Variants in PDSS2 observed in about 807,000 individuals in gnomAD.
PDSS2 encodes the protein all trans-polyprenyl-diphosphate synthase PDSS2.
Under a neutral mutation model 44.5 loss-of-function variants are expected in PDSS2, and 31 were observed. The ratio of observed to expected loss-of-function variants is 0.70; its 90% CI spans 0.52 to 0.94. PDSS2 has a LOEUF of 0.94. PDSS2 is among the 40% of genes least tolerant of loss of function. The pLI is 0.00. For missense variants in PDSS2, 452 were observed against 482.2 expected (o/e 0.94, Z 0.59); for synonymous variants, 157 against 180.3 (o/e 0.87, Z 1.03).
intron 1 of PDSS2, among the ~76,000 whole-genome samples, chr6:107,352,687 G>A (rs1228813407): frequency 6.6e-6 from 1 of 152,210 alleles, no homozygotes; most frequent in Non-Finnish European, 1.5e-5. Context: ...GGTTCATATA[G>A]AGAAGTGGTT....
chr6:107,351,870 C>T (rs1290875041), intron 1 of PDSS2, among the ~76,000 whole-genome samples: 1 of 152,126 alleles, frequency 6.6e-6, no homozygotes, highest in Non-Finnish European at 1.5e-5. Flanking sequence ...AGCATTAACA[C>T]AGCCACATAT....
intron 2 of PDSS2, among the ~76,000 whole-genome samples, chr6:107,328,273 C>G (rs560350622): frequency 1.3e-5 from 2 of 152,176 alleles, no homozygotes; most frequent in Non-Finnish European, 2.9e-5. Flanking sequence ...GGTTATCTAA[C>G]TTGTCTGGGG....
At chr6:107,162,627 A>C (rs1554246886) in intron 7 of PDSS2, among the ~76,000 whole-genome samples, 1 of 23,708 alleles carries the variant, frequency 4.2e-5, no homozygotes, top group Non-Finnish European at 7.9e-5. Flanking sequence ...TTTTTTTTTG[A>C]GATGGAGTCT....
chr6:107,406,730 A>G (rs1780331539), intron 1 of PDSS2, among the ~76,000 whole-genome samples: 1 of 152,248 alleles, frequency 6.6e-6, no homozygotes, highest in South Asian at 2.1e-4. Flanking sequence ...CTAGCTGGCT[A>G]TATCAAGAAG....
chr6:107,449,853 G>A (rs1036965152), intron 1 of PDSS2, among the ~76,000 whole-genome samples: 4 of 152,156 alleles, frequency 2.6e-5, no homozygotes, highest in African/African-American at 9.7e-5. Flanking sequence ...TTACAGGCAT[G>A]AGCCACTGTG....
At chr6:107,431,601 T>G (rs773635458) in intron 1 of PDSS2, among the ~76,000 whole-genome samples, 3 of 152,186 alleles carry the variant, frequency 2.0e-5, no homozygotes, top group Non-Finnish European at 4.4e-5. Context: ...ACCTTATATT[T>G]GTACAGTACA....
At chr6:107,338,477 G>A (rs757580874) in intron 1 of PDSS2, among the ~76,000 whole-genome samples, 1 of 152,208 alleles carries the variant, frequency 6.6e-6, no homozygotes, top group Non-Finnish European at 1.5e-5. Context: ...ATGATGAGGA[G>A]CACTGTTAAG....
At chr6:107,392,730 C>A (rs919723115) in intron 1 of PDSS2, among the ~76,000 whole-genome samples, 3 of 152,136 alleles carry the variant, frequency 2.0e-5, no homozygotes, top group Non-Finnish European at 4.4e-5. Context: ...ACTTGTTGGG[C>A]ACCCTGAATT....
intron 1 of PDSS2, among the ~76,000 whole-genome samples, chr6:107,402,328 C>T (rs1410031378): frequency 6.8e-6 from 1 of 148,002 alleles, no homozygotes. Context: ...AAAGAATGGA[C>T]AAAGCCTTCA....
chr6:107,156,662 T>A (rs1770909266), intron 7 of PDSS2, among the ~76,000 whole-genome samples: 3 of 152,182 alleles, frequency 2.0e-5, no homozygotes, highest in Middle Eastern at 3.2e-3. Flanking sequence ...ATGAGGGATG[T>A]CACTTTGTGG....
chr6:107,259,922 T>C (rs945910657), intron 3 of PDSS2, among the ~76,000 whole-genome samples: 1 of 152,232 alleles, frequency 6.6e-6, no homozygotes, highest in Non-Finnish European at 1.5e-5. Flanking sequence ...AGGGAAACTA[T>C]CCTTTAAAAA....
At chr6:107,334,144 A>T in intron 2 of PDSS2, 54 bp downstream of exon 2, 2 of 1,481,280 alleles carry the variant, frequency 1.4e-6, no homozygotes, top group Non-Finnish European at 9.4e-7. Context: ...ACCTCTGTCC[A>T]GTAAAAGAAA....
chr6:107,233,159 C>G (rs978460752), intron 4 of PDSS2, among the ~76,000 whole-genome samples: 5 of 152,162 alleles, frequency 3.3e-5, no homozygotes, highest in Non-Finnish European at 7.3e-5. Flanking sequence ...CTTCTAAGGA[C>G]TCAGCTTTAA....
rs1172409271 is a variant in PDSS2, at chr6:107,447,252, C to T, written c.296+11738G>A. Reference sequence around the variant, plus strand: ...TCAGGAGGCTGAGGCAGGAGAATGGCGTGAACCCAGGAGGCAGAGCTTGCA... The same window carrying T: ...TCAGGAGGCTGAGGCAGGAGAATGGTGTGAACCCAGGAGGCAGAGCTTGCA... On this transcript the variant is annotated intron_variant, in intron 1 of 7. Coordinates refer to ENST00000369037, the MANE Select transcript of PDSS2 (RefSeq NM_020381.4). 2.6e-5 allele frequency among the ~76,000 whole-genome samples: 4 copies of T among 152,024 alleles called. 1 individual carries two copies. Among genetic ancestry groups the T allele is most frequent in the Admixed American group, 2.0e-4 (3 of 15,258 alleles).
intron 3 of PDSS2, among the ~76,000 whole-genome samples, chr6:107,250,860 T>A (rs1422816648): frequency 1.4e-5 from 2 of 142,620 alleles, no homozygotes; most frequent in African/African-American, 5.4e-5. Flanking sequence ...TACAAGTAAA[T>A]TTTTTTTTTT....
chr6:107,190,603 C>T (rs1380362501), intron 7 of PDSS2, among the ~76,000 whole-genome samples: 1 of 152,186 alleles, frequency 6.6e-6, no homozygotes, highest in African/African-American at 2.4e-5. Flanking sequence ...CTGAGGAAAG[C>T]ACCTAATCCA....
chr6:107,453,091 A>C (rs951685188), intron 1 of PDSS2, among the ~76,000 whole-genome samples: 5 of 150,044 alleles, frequency 3.3e-5, no homozygotes, highest in Admixed American at 3.3e-4. Context: ...TTTTTTTGAG[A>C]CTGAGTCTTG....
At chr6:107,158,643 C>T (rs1285721783) in intron 7 of PDSS2, among the ~76,000 whole-genome samples, 1 of 152,186 alleles carries the variant, frequency 6.6e-6, no homozygotes, top group African/African-American at 2.4e-5. Flanking sequence ...TGCACAAAGG[C>T]ACTAAAATGG....
At chr6:107,358,546 T>C (rs934716119) in intron 1 of PDSS2, among the ~76,000 whole-genome samples, 9 of 152,178 alleles carry the variant, frequency 5.9e-5, no homozygotes, top group African/African-American at 2.2e-4. Flanking sequence ...CCACATTCTA[T>C]GGAGAATAAA....
Sources: gnomAD v4.1 joint callset for allele counts (sites outside exome capture counted in the v4.1 genomes callset) on GRCh38, gnomAD v4.1.1 for gene constraint, MANE v1.5 for transcripts, NCBI Gene and HGNC (gene_info 2026-07-23, HGNC 2026-07-21) for gene names.